The following CSMD1 variants were observed in gnomAD, a reference collection of about 807,000 sequenced individuals.
CSMD1 encodes CUB and sushi domain-containing protein 1.
A neutral mutation model predicts 417.5 loss-of-function variants in CSMD1; 213 were observed. That is an observed-to-expected ratio of 0.51 (90% CI 0.46 to 0.57). The LOEUF is 0.57. CSMD1 is among the 20% of genes least tolerant of loss of function. The pLI, the probability that CSMD1 is intolerant of heterozygous loss-of-function variation, is 0.00. For synonymous variants in CSMD1, 2,862 were observed against 1,736.8 expected, an observed-to-expected ratio of 1.65 and a Z score of -16.11; for missense variants, 6,923 against 4,529.7, an observed-to-expected ratio of 1.53 and a Z score of -15.17.
chr8:3,235,470 G>A (rs887508094), intron 26 of CSMD1, among the ~76,000 whole-genome samples: 3 of 152,110 alleles, frequency 2.0e-5, no homozygotes, highest in South Asian at 2.1e-4. Context: ...AATAGGATCT[G>A]GTCAAATGAG....
At chr8:3,269,118 C>T (rs1038775658) in intron 26 of CSMD1, among the ~76,000 whole-genome samples, 2 of 152,216 alleles carry the variant, frequency 1.3e-5, no homozygotes, top group African/African-American at 2.4e-5. Flanking sequence ...AGAACTTCAG[C>T]TAAACCAGCA....
At chr8:3,769,974 G>A (rs1186081446) in intron 5 of CSMD1, among the ~76,000 whole-genome samples, 1 of 152,204 alleles carries the variant, frequency 6.6e-6, no homozygotes, top group East Asian at 1.9e-4. Flanking sequence ...AAGGCACTCT[G>A]TGAATTCATA....
chr8:4,949,865 C>A (rs1364604829), intron 1 of CSMD1, among the ~76,000 whole-genome samples: 1 of 152,106 alleles, frequency 6.6e-6, no homozygotes, highest in Non-Finnish European at 1.5e-5. Flanking sequence ...AAGGTTAGTT[C>A]AAAAGTAATT....
intron 10 of CSMD1, among the ~76,000 whole-genome samples, chr8:3,560,992 C>G (rs764563167): frequency 6.6e-6 from 1 of 152,108 alleles, no homozygotes; most frequent in Non-Finnish European, 1.5e-5. Flanking sequence ...AGTGACCACT[C>G]ATTATTTAAC....
At chr8:3,179,978 T>C (rs1337430205) in intron 37 of CSMD1, among the ~76,000 whole-genome samples, 2 of 152,336 alleles carry the variant, frequency 1.3e-5, no homozygotes, top group East Asian at 3.9e-4. Flanking sequence ...GCTGGCAATC[T>C]GGCCTTTCAA....
intron 12 of CSMD1, among the ~76,000 whole-genome samples, chr8:3,414,114 G>A (rs969716936): frequency 6.9e-6 from 1 of 145,930 alleles, no homozygotes; most frequent in East Asian, 2.1e-4. Context: ...AGTCCAGCCT[G>A]TGTGACAGAG....
chr8:3,865,705 A>C (rs898380347), intron 5 of CSMD1, among the ~76,000 whole-genome samples: 1 of 152,296 alleles, frequency 6.6e-6, no homozygotes, highest in African/African-American at 2.4e-5. Flanking sequence ...CGGAGCAGTA[A>C]ATACAACAAC....
chr8:3,824,380 A>G (rs1205789864), intron 5 of CSMD1, among the ~76,000 whole-genome samples: 1 of 152,198 alleles, frequency 6.6e-6, no homozygotes, highest in Non-Finnish European at 1.5e-5. Context: ...TTTCCCTCCC[A>G]AAGCTCAGAG....
At chr8:3,938,616 G>A (rs1475829472) in intron 5 of CSMD1, among the ~76,000 whole-genome samples, 1 of 152,104 alleles carries the variant, frequency 6.6e-6, no homozygotes, top group Admixed American at 6.6e-5. Flanking sequence ...CCCCGAATAA[G>A]GGCTAGGCTG....
intron 1 of CSMD1, among the ~76,000 whole-genome samples, chr8:4,853,358 C>G (rs760248026): frequency 6.6e-6 from 1 of 152,188 alleles, no homozygotes; most frequent in Non-Finnish European, 1.5e-5. Flanking sequence ...ATCCCCACTG[C>G]TCCAGCTCTA....
intron 1 of CSMD1, among the ~76,000 whole-genome samples, chr8:4,756,732 A>G (rs188417534): frequency 1.3e-5 from 2 of 152,204 alleles, no homozygotes; most frequent in Admixed American, 6.5e-5. Context: ...GAGTTACAGG[A>G]AACAGGTAAA....
At chr8:4,135,397 G>A (rs1263754322) in intron 3 of CSMD1, among the ~76,000 whole-genome samples, 2 of 120,698 alleles carry the variant, frequency 1.7e-5, no homozygotes, top group African/African-American at 3.5e-5. Flanking sequence ...GGAAGGAAGG[G>A]GAAAGAGGGA....
At chr8:3,718,668 A>G (rs1213828100) in intron 6 of CSMD1, among the ~76,000 whole-genome samples, 1 of 152,210 alleles carries the variant, frequency 6.6e-6, no homozygotes, top group East Asian at 1.9e-4. Context: ...GAGAATGTCC[A>G]CAAAACCTTG....
At chr8:4,215,641 A>G (rs1800622292) in intron 3 of CSMD1, among the ~76,000 whole-genome samples, 1 of 152,220 alleles carries the variant, frequency 6.6e-6, no homozygotes, top group African/African-American at 2.4e-5. Context: ...TGGATCATAC[A>G]AGAATTGAAA....
chr8:4,598,372 A>G (rs770154628), intron 2 of CSMD1, among the ~76,000 whole-genome samples: 7 of 152,188 alleles, frequency 4.6e-5, no homozygotes, highest in Non-Finnish European at 1.0e-4. Context: ...TGGTGCCTAG[A>G]TATTAGCTCT....
At chr8:2,985,776 T>A (rs1169734368) in intron 54 of CSMD1, among the ~76,000 whole-genome samples, 1 of 152,162 alleles carries the variant, frequency 6.6e-6, no homozygotes, top group East Asian at 1.9e-4. Flanking sequence ...TAACAATAGC[T>A]GCCCGGAGCA....
In CSMD1 at chr8:4,851,237, G is replaced by C. The variant is rs112341443; in HGVS notation, c.85+143095C>G. Among the ~76,000 whole-genome samples the C allele has an allele frequency of 8.1e-3, 1,234 of 151,734 alleles. 12 individuals are homozygous for C. The highest frequency in any genetic ancestry group is 0.029 in the African/African-American group (1,180 of 41,382). ...TTGGCAATAGTTTGCTGAGAATGAT[G>C]GTTTCCAGCTTCATCCATGTCCCTA... On this transcript the variant is annotated intron_variant, in intron 1 of 69. Transcript: ENST00000635120.
At position 4,970,888 on chromosome 8, in the gene CSMD1, G is replaced by C. The variant is rs141240113; in HGVS notation, c.85+23444C>G. Among the ~76,000 whole-genome samples, 868 of 152,160 alleles carry C rather than the reference G, an allele frequency of 5.7e-3. 8 individuals are homozygous for C. Among genetic ancestry groups the C allele is most frequent in the African/African-American group, 0.02 (835 of 41,536 alleles). The stretch of plus-strand genomic sequence containing the variant: ...TTCAGTATTTTATTAAGAAAGGAAA[G>C]TAACGAAGTGCTTTTTATGTAATAA... On this transcript the variant is annotated intron_variant, in intron 1 of 69. Coordinates refer to ENST00000635120, the MANE Select transcript of CSMD1 (RefSeq NM_033225.6).
chr8:4,414,115 C>A (rs1796798674), intron 3 of CSMD1, among the ~76,000 whole-genome samples: 1 of 152,142 alleles, frequency 6.6e-6, no homozygotes, highest in Non-Finnish European at 1.5e-5. Flanking sequence ...GTTATCACTT[C>A]AAGGGAGAAA....
Sources: allele counts gnomAD v4.1 joint callset (sites outside exome capture counted in the v4.1 genomes callset), GRCh38; gene constraint gnomAD v4.1.1; transcripts MANE v1.5; gene names NCBI Gene and HGNC (gene_info 2026-07-23, HGNC 2026-07-21).